POLA2: variants seen among roughly 807,000 people sequenced by gnomAD.
POLA2 encodes DNA polymerase alpha subunit B.
POLA2 carries 47 observed loss-of-function variants against 82.8 expected under a neutral mutation model. The observed-to-expected ratio is 0.57, with a 90% CI of 0.45 to 0.72. The LOEUF (loss-of-function observed/expected upper bound fraction) is 0.72. Ranked by LOEUF, POLA2 falls within the 30% of genes least tolerant of loss-of-function variation. The pLI, the probability that POLA2 is intolerant of heterozygous loss-of-function variation, is 0.00. For missense variants in POLA2, 634 were observed against 728.1 expected, an observed-to-expected ratio of 0.87 and a Z score of 1.49; for synonymous variants, 287 against 286.8, an observed-to-expected ratio of 1.00 and a Z score of -0.01.
rs184619016 is a variant in POLA2 at position 65,272,750 on chromosome 11, G to A, written c.355-3142G>A. 1.5e-3 allele frequency among the ~76,000 whole-genome samples: 232 copies of A among 152,224 alleles called. 1 individual carries two copies. Among genetic ancestry groups the A allele is most frequent in the South Asian group, 4.2e-3 (20 of 4,818 alleles). Reference sequence around the variant, plus strand: ...GAAACCGGCCACTGCGGTGGCTCACGCCTGTAATCCCAGCACTTTGGGAGG... The same window carrying A: ...GAAACCGGCCACTGCGGTGGCTCACACCTGTAATCCCAGCACTTTGGGAGG... On this transcript the variant is annotated intron_variant, in intron 4 of 17. Coordinates refer to ENST00000265465, the MANE Select transcript of POLA2 (RefSeq NM_002689.4).
rs1344853089 is a variant in POLA2, at chr11:65,289,706, C to T, written c.1171-93C>T. On this transcript the variant is annotated intron_variant, in intron 12 of 17. Coordinates refer to ENST00000265465, the MANE Select transcript of POLA2 (RefSeq NM_002689.4). ...GCGTCTCCTTCAGCTCCTAGCCCAA[C>T]AGCTGACTTCTATGGGTCACCTAAC... 5 of 763,850 alleles carry T rather than the reference C, an allele frequency of 6.5e-6. No individual in the cohort carries two copies. The East Asian group carries it at 1.1e-4, about 16-fold the overall frequency. 47.3% of individuals were successfully genotyped at this position (763,850 alleles called of 1,614,324 possible).
intron 7 of POLA2, 63 bp from the exon 8 acceptor site, chr11:65,280,929 C>A: frequency 6.5e-7 from 1 of 1,542,806 alleles, no homozygotes; most frequent in South Asian, 1.2e-5. Context: ...ACCCTATCGA[C>A]TTCAGATTTT....
At chr11:65,278,043 G>T (rs549917851) in intron 5 of POLA2, among the ~76,000 whole-genome samples, 1 of 152,130 alleles carries the variant, frequency 6.6e-6, no homozygotes, top group Non-Finnish European at 1.5e-5. Flanking sequence ...TCTGTACGGC[G>T]TGTTTACAAC....
intron 5 of POLA2, among the ~76,000 whole-genome samples, chr11:65,277,237 G>C (rs932687360): frequency 1.2e-4 from 18 of 150,722 alleles, no homozygotes; most frequent in African/African-American, 3.9e-4. Context: ...GAGTGCAGTG[G>C]CACAACTATA....
At chr11:65,292,230 C>T (rs531911530) in intron 13 of POLA2, among the ~76,000 whole-genome samples, 96 of 152,238 alleles carry the variant, frequency 6.3e-4, no homozygotes, top group African/African-American at 2.1e-3. Flanking sequence ...AGCAAGACTC[C>T]ATCTCAGAAA....
chr11:65,273,347 A>C (rs933354580), intron 4 of POLA2, among the ~76,000 whole-genome samples: 1 of 152,164 alleles, frequency 6.6e-6, no homozygotes, highest in Non-Finnish European at 1.5e-5. Flanking sequence ...AAAAAACATG[A>C]TGAAATTGGC....
Position 65,282,533 on chromosome 11 carries a change from T to C in POLA2, c.1006+12T>C. The C allele has an allele frequency of 1.2e-6, 2 of 1,610,240 alleles. No individual in the cohort carries two copies. The highest frequency in any genetic ancestry group is 1.7e-6 in the Non-Finnish European group (2 of 1,176,508). ...TGAAGAGGATGCAGGTGAGTTTCGG[T>C]TCAAATATTGTTTTGCCAACAATGA... On this transcript the variant is annotated intron_variant, in intron 10 of 17. Coordinates refer to ENST00000265465, the MANE Select transcript of POLA2 (RefSeq NM_002689.4).
chr11:65,297,232 A>G lies in POLA2; in HGVS notation c.1760A>G (p.Gln587Arg). ...CCGGCAGCGGACGGGGCAGAGAGGC[A>G]GAGCCCATGCATTGCTGTGCAGGTC... Reference protein sequence around the residue: ...RRPAADGAERQSPCIAVQVVR... With the variant: ...RRPAADGAERRSPCIAVQVVR... Residue 587 changes from glutamine (Q) to arginine (R), a missense_variant, in exon 18 of 18, where the codon CAG becomes CGG. Gln to Arg is a conservative substitution (Grantham distance 43). Coordinates refer to ENST00000265465, the MANE Select transcript of POLA2 (RefSeq NM_002689.4). The G allele has an allele frequency of 6.2e-7, 1 of 1,613,508 alleles. No individual in the cohort carries two copies. The highest frequency in any genetic ancestry group is 8.5e-7 in the Non-Finnish European group (1 of 1,179,716).
At chr11:65,304,832 G>A (rs1018343911) in intron 8 of POLA2, among the ~76,000 whole-genome samples, 1 of 152,210 alleles carries the variant, frequency 6.6e-6, no homozygotes, top group African/African-American at 2.4e-5. Context: ...AGGCTAGCAG[G>A]GGCCCTGCTG....
chr11:65,278,662 C>T, intron 5 of POLA2, 68 bp from the exon 6 acceptor site: 8 of 1,313,494 alleles, frequency 6.1e-6, no homozygotes, highest in Non-Finnish European at 8.5e-6. Flanking sequence ...CCAAAGGTAA[C>T]CTCATTTTAT....
chr11:65,288,595 TCC>T (rs1216321918), intron 11 of POLA2, among the ~76,000 whole-genome samples: 1 of 143,566 alleles, frequency 7.0e-6, no homozygotes, highest in African/African-American at 2.5e-5. Flanking sequence ...CACTATAGCC[TCC>T]ACCTCCTGGG....
rs56133922 is a variant in POLA2, at chr11:65,280,756, G to C, written c.745-236G>C. The stretch of plus-strand genomic sequence containing the variant: ...CTACACTAGAGATGCTCACACTTAG[G>C]CAGCCTCCTAGGAAGGCTCAAGTGC... On this transcript the variant is annotated intron_variant, in intron 7 of 17. Coordinates refer to ENST00000265465, the MANE Select transcript of POLA2 (RefSeq NM_002689.4). The C allele has an allele frequency of 5.0e-5, 25 of 502,632 alleles. No individual in the cohort carries two copies. The East Asian group carries it at 9.1e-4, about 18-fold the overall frequency. The allele number at this position is 502,632 out of a possible 1,614,324, so 31.1% of individuals were successfully genotyped here.
chr11:65,268,015 A>G (rs1949480501), intron 3 of POLA2, among the ~76,000 whole-genome samples: 1 of 151,480 alleles, frequency 6.6e-6, no homozygotes, highest in Non-Finnish European at 1.5e-5. Flanking sequence ...CTGGTCTCGA[A>G]CTCCTGACCT....
At position 65,297,209 on chromosome 11, in the gene POLA2, G is replaced by C. The variant is rs752293718; in HGVS notation, c.1737G>C (p.Pro579=). ...GTFARLYLRR[P]AADGAERQSP... ...TCGCCCGACTCTACCTTAGGAGGCCGGCAGCGGACGGGGCAGAGAGGCAGA... is the reference window on the plus strand; with the variant it reads ...TCGCCCGACTCTACCTTAGGAGGCCCGCAGCGGACGGGGCAGAGAGGCAGA... Residue 579 remains proline, a synonymous_variant, in exon 18 of 18, where the codon CCG becomes CCC. Transcript: ENST00000265465. 4 of 1,613,860 alleles carry C rather than the reference G, an allele frequency of 2.5e-6. No homozygotes were observed. Among genetic ancestry groups the C allele is most frequent in the Non-Finnish European group, 3.4e-6 (4 of 1,179,958 alleles).
intron 8 of POLA2, among the ~76,000 whole-genome samples, 165 bp from the exon 9 acceptor site, chr11:65,281,505 T>A (rs1949640882): frequency 6.6e-6 from 1 of 152,248 alleles, no homozygotes; most frequent in Non-Finnish European, 1.5e-5. Context: ...AGCATAATTA[T>A]TATTACTAAT....
rs1283774758 is a variant in POLA2 at position 65,294,045 on chromosome 11, C to T, written c.1245-108C>T. Reference sequence around the variant, plus strand: ...GAGTGCAGTTCTGAGCTGCCTCCCTCGGGGTGGGCTCTGCCTCCAGCCTGA... The same window carrying T: ...GAGTGCAGTTCTGAGCTGCCTCCCTTGGGGTGGGCTCTGCCTCCAGCCTGA... On this transcript the variant is annotated intron_variant, in intron 13 of 17. Coordinates refer to ENST00000265465, the MANE Select transcript of POLA2 (RefSeq NM_002689.4). 13 of 876,702 alleles carry T rather than the reference C, an allele frequency of 1.5e-5. No homozygotes were observed. In the Admixed American group the frequency reaches 1.5e-4, roughly 10 times the overall value. The allele number at this position is 876,702 out of a possible 1,614,324, so 54.3% of individuals were successfully genotyped here.
intron 11 of POLA2, 86 bp downstream of exon 11, chr11:65,287,926 CCCT>C (rs1949714522): frequency 1.6e-6 from 2 of 1,261,992 alleles, no homozygotes; most frequent in South Asian, 1.4e-5. Context: ...GCATGTCAGT[CCCT>C]CCTCCTTTTA....
rs1336200454 is a variant in POLA2, at chr11:65,297,444, C to G, written c.*175C>G. 3.2e-6 allele frequency: 2 copies of G among 625,458 alleles called. No individual in the cohort carries two copies. The highest frequency in any genetic ancestry group is 5.0e-6 in the Non-Finnish European group (2 of 399,376). 38.7% of individuals were successfully genotyped at this position (625,458 alleles called of 1,614,324 possible). A position where few individuals can be genotyped will look rare whatever the true frequency, so the allele number is the denominator to read the frequency against. ...GGGAGGACTTGTGCAGCCGGGCCTG[C>G]CTCTGAGTGGTGCCTCTCCTGGAAG... On this transcript the variant is annotated 3_prime_UTR_variant, in exon 18 of 18. Transcript: ENST00000265465.
At chr11:65,286,296 A>G (rs1484246711) in intron 10 of POLA2, among the ~76,000 whole-genome samples, 1 of 152,140 alleles carries the variant, frequency 6.6e-6, no homozygotes, top group Non-Finnish European at 1.5e-5. Context: ...AAGGCAAGGA[A>G]ATGGATTCTT....
Sources: allele counts gnomAD v4.1 joint callset (sites outside exome capture counted in the v4.1 genomes callset), GRCh38; gene constraint gnomAD v4.1.1; transcripts MANE v1.5; gene names NCBI Gene and HGNC (gene_info 2026-07-23, HGNC 2026-07-21).